The following GPC6 variants were observed in gnomAD, a reference collection of about 807,000 sequenced individuals.
GPC6 encodes glypican 6, also known as glypican-6.
A neutral mutation model predicts 55.2 loss-of-function variants in GPC6; 14 were observed. That is an observed-to-expected ratio of 0.25 (90% CI 0.17 to 0.40). The LOEUF (loss-of-function observed/expected upper bound fraction) is 0.40. Among genes scored for constraint, GPC6 ranks in the 10% least tolerant of loss-of-function variants. The probability of loss-of-function intolerance (pLI) is 1.00; values close to 1 mark genes in which losing one functional copy is unlikely to be tolerated. For missense variants in GPC6, 641 were observed against 708.5 expected, an observed-to-expected ratio of 0.90 and a Z score of 1.08; for synonymous variants, 278 against 259.6, an observed-to-expected ratio of 1.07 and a Z score of -0.68.
At chr13:93,358,506 C>T (rs1880932120) in intron 1 of GPC6, among the ~76,000 whole-genome samples, 2 of 152,072 alleles carry the variant, frequency 1.3e-5, no homozygotes, top group Non-Finnish European at 2.9e-5. Flanking sequence ...AGGAACCAGC[C>T]ACAGGTCCCA....
chr13:94,088,899 G>T (rs1885383074), intron 4 of GPC6, among the ~76,000 whole-genome samples: 1 of 152,014 alleles, frequency 6.6e-6, no homozygotes, highest in African/African-American at 2.4e-5. Flanking sequence ...AACTGCCTGG[G>T]GGTCACTGAT....
intron 1 of GPC6, among the ~76,000 whole-genome samples, chr13:93,231,795 A>G (rs1876073378): frequency 6.6e-6 from 1 of 152,262 alleles, no homozygotes; most frequent in Admixed American, 6.5e-5. Flanking sequence ...CAGATTAGAA[A>G]AAAAAATGTA....
intron 3 of GPC6, among the ~76,000 whole-genome samples, chr13:93,848,331 T>C (rs1260708191): frequency 1.3e-5 from 2 of 152,096 alleles, no homozygotes; most frequent in Non-Finnish European, 2.9e-5. Flanking sequence ...CACAATCATT[T>C]TGTAACTTTC....
At chr13:93,400,666 G>A (rs1370267748) in intron 1 of GPC6, among the ~76,000 whole-genome samples, 1 of 152,046 alleles carries the variant, frequency 6.6e-6, no homozygotes, top group Non-Finnish European at 1.5e-5. Flanking sequence ...TTCTGTGATA[G>A]GATCATGCAT....
At chr13:93,955,871 A>T (rs1254161028) in intron 3 of GPC6, among the ~76,000 whole-genome samples, 2 of 152,210 alleles carry the variant, frequency 1.3e-5, no homozygotes, top group Non-Finnish European at 1.5e-5. Flanking sequence ...CTTTATCCTG[A>T]CAGAGAAGTT....
Position 93,993,146 on chromosome 13 carries a change from T to C in GPC6, c.712-34583T>C, listed in dbSNP as rs1363414140. On this transcript the variant is annotated intron_variant, in intron 3 of 8. Transcript: ENST00000377047. The stretch of plus-strand genomic sequence containing the variant: ...GTCTGAAAACTAATAATGAAATTTC[T>C]CACCTGCATTATGGCAAAGGAAACA... Among the ~76,000 whole-genome samples, 3 of 152,186 alleles carry C rather than the reference T, an allele frequency of 2.0e-5. No homozygotes were observed. The East Asian group carries it at 5.8e-4, about 29-fold the overall frequency.
At chr13:93,854,691 CAACT>C (rs1316253829) in intron 3 of GPC6, among the ~76,000 whole-genome samples, 2 of 151,692 alleles carry the variant, frequency 1.3e-5, no homozygotes, top group Non-Finnish European at 2.9e-5. Flanking sequence ...ATCCATTAAT[CAACT>C]AACTAATCCA....
chr13:93,304,951 A>G (rs1878806482), intron 1 of GPC6, among the ~76,000 whole-genome samples: 1 of 152,128 alleles, frequency 6.6e-6, no homozygotes, highest in Non-Finnish European at 1.5e-5. Context: ...CTCCTGCCCC[A>G]CCTCTTTATT....
chr13:93,471,358 CAAAAAAAAA>C (rs59410717), intron 1 of GPC6, among the ~76,000 whole-genome samples: 1 of 123,156 alleles, frequency 8.1e-6, no homozygotes, highest in African/African-American at 3.1e-5. Context: ...TCTAAAAATA[CAAAAAAAAA>C]AAAAAAAAAA....
intron 2 of GPC6, among the ~76,000 whole-genome samples, chr13:93,741,855 T>A (rs912019771): frequency 1.3e-5 from 2 of 152,226 alleles, no homozygotes. Flanking sequence ...AAATTCTCTC[T>A]CATCTTACCT....
chr13:93,910,199 A>T (rs1594580034), intron 3 of GPC6, among the ~76,000 whole-genome samples: 1 of 152,078 alleles, frequency 6.6e-6, no homozygotes, highest in Non-Finnish European at 1.5e-5. Flanking sequence ...TTATTAAATC[A>T]TGGGGGTGGG....
At chr13:93,368,333 C>G (rs1566320577) in intron 1 of GPC6, among the ~76,000 whole-genome samples, 1 of 128,044 alleles carries the variant, frequency 7.8e-6, no homozygotes, top group East Asian at 2.3e-4. Flanking sequence ...CCCTCCCTCC[C>G]TGCTTTCCTT....
intron 3 of GPC6, among the ~76,000 whole-genome samples, chr13:93,878,141 G>A (rs931572913): frequency 6.6e-6 from 1 of 152,036 alleles, no homozygotes. Flanking sequence ...GGAGAGCGAT[G>A]GGGAGATAGA....
At chr13:94,069,799 C>T (rs1884661630) in intron 4 of GPC6, among the ~76,000 whole-genome samples, 1 of 152,188 alleles carries the variant, frequency 6.6e-6, no homozygotes, top group Admixed American at 6.5e-5. Context: ...GAGACCACCT[C>T]AGCCTGGATT....
intron 1 of GPC6, among the ~76,000 whole-genome samples, chr13:93,237,155 C>T (rs572893910): frequency 2.6e-5 from 4 of 152,148 alleles, no homozygotes; most frequent in East Asian, 1.9e-4. Context: ...TGCTGTTTTC[C>T]GTAGAAGTTG....
At chr13:94,050,442 A>G (rs1464822573) in intron 4 of GPC6, among the ~76,000 whole-genome samples, 1 of 152,136 alleles carries the variant, frequency 6.6e-6, no homozygotes, top group Non-Finnish European at 1.5e-5. Flanking sequence ...TGTCCTTGTT[A>G]TACATTACTC....
At chr13:93,685,017 A>C (rs1326008788) in intron 2 of GPC6, among the ~76,000 whole-genome samples, 1 of 152,232 alleles carries the variant, frequency 6.6e-6, no homozygotes, top group African/African-American at 2.4e-5. Context: ...GTAGCAAAAA[A>C]TCACTGCTTT....
chr13:93,971,424 A>C (rs1415740), intron 3 of GPC6, among the ~76,000 whole-genome samples: 35,223 of 152,130 alleles, frequency 0.23, 4,640 homozygotes, highest in East Asian at 0.39. Flanking sequence ...AAATAAATTG[A>C]AAATAAAATT....
At chr13:94,022,086 C>A (rs892799704) in intron 3 of GPC6, among the ~76,000 whole-genome samples, 2 of 152,032 alleles carry the variant, frequency 1.3e-5, no homozygotes, top group African/African-American at 4.8e-5. Context: ...CACCCATCCC[C>A]TCTCAGAGAA....
Sources: gnomAD v4.1 joint callset for allele counts (sites outside exome capture counted in the v4.1 genomes callset) on GRCh38, gnomAD v4.1.1 for gene constraint, MANE v1.5 for transcripts, NCBI Gene and HGNC (gene_info 2026-07-23, HGNC 2026-07-21) for gene names.